COL25A1: variants seen among roughly 807,000 people sequenced by gnomAD.
COL25A1 encodes collagen type XXV alpha 1 chain, also known as collagen alpha-1(XXV) chain.
In COL25A1, 103 loss-of-function variants were observed where a neutral mutation model predicts 128.4. That is an observed-to-expected ratio of 0.80 (90% CI 0.68 to 0.94). The LOEUF (loss-of-function observed/expected upper bound fraction) is 0.94, where lower values mean the gene tolerates loss of function less well. Ranked by LOEUF, COL25A1 falls within the 40% of genes least tolerant of loss-of-function variation. The probability of loss-of-function intolerance (pLI) is 0.00; values close to 1 mark genes in which losing one functional copy is unlikely to be tolerated. For synonymous variants in COL25A1, 279 were observed against 277.2 expected (o/e 1.01, Z -0.06); for missense variants, 745 against 840.0 (o/e 0.89, Z 1.40).
chr4:108,904,918 T>TA (rs923274014), intron 13 of COL25A1, among the ~76,000 whole-genome samples: 3 of 138,744 alleles, frequency 2.2e-5, no homozygotes, highest in African/African-American at 5.0e-5. Context: ...ATTTTTTTTT[T>TA]AAAAAAACAA....
chr4:108,940,152 C>T (rs1377514477), intron 10 of COL25A1, among the ~76,000 whole-genome samples: 1 of 152,090 alleles, frequency 6.6e-6, no homozygotes, highest in East Asian at 1.9e-4. Context: ...GTTTTTCAGA[C>T]TAATCTCCCA....
At chr4:109,225,683 A>T (rs1256658856) in intron 3 of COL25A1, among the ~76,000 whole-genome samples, 14 of 152,178 alleles carry the variant, frequency 9.2e-5, no homozygotes, top group Non-Finnish European at 1.5e-5. Context: ...AATAGCAGAG[A>T]TACAAAATCA....
At chr4:109,016,606 A>T (rs1048005474) in intron 5 of COL25A1, among the ~76,000 whole-genome samples, 10 of 152,240 alleles carry the variant, frequency 6.6e-5, no homozygotes, top group African/African-American at 2.4e-4. Flanking sequence ...AGACTCAAAC[A>T]GACTCACACA....
At chr4:108,878,879 C>T (rs772380521) in intron 19 of COL25A1, among the ~76,000 whole-genome samples, 11 of 152,152 alleles carry the variant, frequency 7.2e-5, no homozygotes, top group Non-Finnish European at 1.5e-4. Flanking sequence ...CTCAGATGAA[C>T]TTTGTGCAGA....
At chr4:109,129,073 G>A (rs912915206) in intron 3 of COL25A1, among the ~76,000 whole-genome samples, 14 of 152,100 alleles carry the variant, frequency 9.2e-5, no homozygotes, top group African/African-American at 3.4e-4. Flanking sequence ...GTACAACCAG[G>A]CTTGGGAATC....
At chr4:109,159,900 A>T (rs1369502383) in intron 3 of COL25A1, among the ~76,000 whole-genome samples, 1 of 152,220 alleles carries the variant, frequency 6.6e-6, no homozygotes, top group African/African-American at 2.4e-5. Flanking sequence ...AGAACAATCT[A>T]CATATAATAT....
intron 3 of COL25A1, among the ~76,000 whole-genome samples, chr4:109,287,240 C>T (rs1027956293): frequency 1.3e-5 from 2 of 152,120 alleles, no homozygotes; most frequent in African/African-American, 4.8e-5. Flanking sequence ...CTTCAGTCTG[C>T]TTATCTGACA....
At chr4:109,264,125 A>C (rs1454773705) in intron 3 of COL25A1, among the ~76,000 whole-genome samples, 3 of 152,248 alleles carry the variant, frequency 2.0e-5, no homozygotes, top group Non-Finnish European at 4.4e-5. Flanking sequence ...AGCTTCAAAA[A>C]AGAAGAGAAG....
At chr4:108,916,861 G>A (rs1200141562) in intron 13 of COL25A1, among the ~76,000 whole-genome samples, 2 of 152,132 alleles carry the variant, frequency 1.3e-5, no homozygotes, top group Non-Finnish European at 2.9e-5. Flanking sequence ...GCGGTGTTTG[G>A]TTTATGGACT....
intron 24 of COL25A1, among the ~76,000 whole-genome samples, chr4:108,857,902 T>C (rs1736709275): frequency 6.6e-6 from 1 of 151,932 alleles, no homozygotes; most frequent in Non-Finnish European, 1.5e-5. Flanking sequence ...AACTATGGAG[T>C]TTGATTTTAA....
In COL25A1 at chr4:108,968,526, C is replaced by T. The variant is rs549540139; in HGVS notation, c.492+5841G>A. Among the ~76,000 whole-genome samples the T allele has an allele frequency of 3.3e-5, 5 of 151,172 alleles. No individual in the cohort carries two copies. In the South Asian group the frequency reaches 6.3e-4, roughly 19 times the overall value. On this transcript the variant is annotated intron_variant, in intron 8 of 37. Transcript: ENST00000399132. ...TTTTGTGTGTGGTGTTCACACAATG[C>T]AGTGTCCTGCTTCTACCTTCAAATG...
At chr4:108,885,146 T>C (rs1740630561) in intron 18 of COL25A1, among the ~76,000 whole-genome samples, 1 of 152,164 alleles carries the variant, frequency 6.6e-6, no homozygotes, top group Non-Finnish European at 1.5e-5. Flanking sequence ...ACAACTATAC[T>C]AAAAGACACA....
chr4:109,162,388 T>A (rs981104009), intron 3 of COL25A1, among the ~76,000 whole-genome samples: 6 of 152,198 alleles, frequency 3.9e-5, no homozygotes, highest in African/African-American at 1.2e-4. Context: ...GTCAGCAGTC[T>A]AATGCAGAAG....
chr4:108,840,709 C>T (rs1734348962), intron 31 of COL25A1, among the ~76,000 whole-genome samples: 1 of 152,166 alleles, frequency 6.6e-6, no homozygotes, highest in African/African-American at 2.4e-5. Context: ...TACTGAAGCA[C>T]TCTCAGGAGT....
At chr4:109,143,427 A>G (rs1394272328) in intron 3 of COL25A1, among the ~76,000 whole-genome samples, 1 of 151,966 alleles carries the variant, frequency 6.6e-6, no homozygotes, top group Non-Finnish European at 1.5e-5. Flanking sequence ...TGTTCTCTGT[A>G]TTTCCTGAAT....
intron 32 of COL25A1, among the ~76,000 whole-genome samples, chr4:108,828,262 C>T (rs377289053): frequency 6.6e-6 from 1 of 152,084 alleles, no homozygotes; most frequent in African/African-American, 2.4e-5. Context: ...CTCAGCCTCC[C>T]GAGTAGCTGG....
At chr4:109,104,862 G>A (rs1766267941) in intron 3 of COL25A1, among the ~76,000 whole-genome samples, 1 of 152,028 alleles carries the variant, frequency 6.6e-6, no homozygotes, top group African/African-American at 2.4e-5. Context: ...GAAAACACTG[G>A]ATATCTAGTG....
intron 3 of COL25A1, among the ~76,000 whole-genome samples, chr4:109,151,696 T>C (rs952799589): frequency 3.9e-5 from 6 of 152,120 alleles, no homozygotes; most frequent in African/African-American, 1.4e-4. Context: ...CTTTCTGACT[T>C]TTCAATTCTT....
At chr4:109,254,093 A>C (rs1025993866) in intron 3 of COL25A1, among the ~76,000 whole-genome samples, 1 of 151,788 alleles carries the variant, frequency 6.6e-6, no homozygotes, top group Non-Finnish European at 1.5e-5. Flanking sequence ...TCTCAAGAAA[A>C]AAAAAAAAAA....
Sources: allele counts gnomAD v4.1 joint callset (sites outside exome capture counted in the v4.1 genomes callset), GRCh38; gene constraint gnomAD v4.1.1; transcripts MANE v1.5; gene names NCBI Gene and HGNC (gene_info 2026-07-23, HGNC 2026-07-21).